The following TUT4 variants were observed in gnomAD, a reference collection of about 807,000 sequenced individuals.
TUT4 encodes the protein terminal uridylyl transferase 4.
TUT4 carries 36 observed loss-of-function variants against 192.2 expected under a neutral mutation model. The observed-to-expected ratio is 0.19, with a 90% CI of 0.14 to 0.25. The LOEUF is 0.25. Among genes scored for constraint, TUT4 ranks in the 10% least tolerant of loss-of-function variants. The probability of loss-of-function intolerance (pLI) is 1.00; values close to 1 mark genes in which losing one functional copy is unlikely to be tolerated. For missense variants in TUT4, 1,493 were observed against 1,957.2 expected, an observed-to-expected ratio of 0.76 and a Z score of 4.47; for synonymous variants, 618 against 666.0, an observed-to-expected ratio of 0.93 and a Z score of 1.11.
chr1:52,425,936 G>T (rs1297163248), intron 28 of TUT4, among the ~76,000 whole-genome samples: 1 of 152,154 alleles, frequency 6.6e-6, no homozygotes, highest in African/African-American at 2.4e-5. Context: ...AGCACATCAA[G>T]TTTGGGGAAC....
At chr1:52,493,186 C>T (rs966093381) in intron 7 of TUT4, among the ~76,000 whole-genome samples, 1 of 152,314 alleles carries the variant, frequency 6.6e-6, no homozygotes, top group African/African-American at 2.4e-5. Flanking sequence ...CGGGTTCAAG[C>T]AATTCTTCTG....
chr1:52,537,309 G>C (rs1235519697), intron 1 of TUT4, among the ~76,000 whole-genome samples: 2 of 150,982 alleles, frequency 1.3e-5, no homozygotes, highest in Non-Finnish European at 2.9e-5. Context: ...TCCATGCAAA[G>C]AGTAACAAAG....
intron 4 of TUT4, among the ~76,000 whole-genome samples, chr1:52,503,254 G>T (rs887203849): frequency 1.3e-5 from 2 of 151,754 alleles, no homozygotes; most frequent in Non-Finnish European, 2.9e-5. Flanking sequence ...TGCTAAGATG[G>T]GAAAAAAATA....
chr1:52,515,655 A>G, intron 3 of TUT4: 2 of 602,628 alleles, frequency 3.3e-6, no homozygotes, highest in South Asian at 2.2e-5. Flanking sequence ...GATAGACCAT[A>G]GTTTGCCAAC....
chr1:52,432,643 AG>A, intron 27 of TUT4: 1 of 152,396 alleles, frequency 6.6e-6, no homozygotes, highest in East Asian at 1.9e-4. Flanking sequence ...GATGAGAGAC[AG>A]GAACAGTGGC....
At chr1:52,531,501 TA>T (rs768454899) in intron 1 of TUT4, among the ~76,000 whole-genome samples, 4 of 152,200 alleles carry the variant, frequency 2.6e-5, no homozygotes, top group Non-Finnish European at 4.4e-5. Flanking sequence ...GTCTATGAGG[TA>T]AGAAATCATT....
intron 15 of TUT4, 67 bp from the exon 16 acceptor site, chr1:52,465,240 C>T: frequency 1.9e-6 from 2 of 1,066,626 alleles, no homozygotes; most frequent in Non-Finnish European, 2.8e-6. Context: ...CTGCTATCTG[C>T]TGATGACCTA....
chr1:52,466,682 A>ATATATTTTTTTTTT (rs372853314), intron 15 of TUT4, among the ~76,000 whole-genome samples: 73 of 123,798 alleles, frequency 5.9e-4, no homozygotes, highest in African/African-American at 2.2e-3. Flanking sequence ...ATATATATAT[A>ATATATTTTTTTTTT]TTTTTGAGAC....
chr1:52,423,988 G>C lies in TUT4; in HGVS notation c.4885C>G (p.Arg1629Gly), dbSNP rs762197385. The C allele has an allele frequency of 1.2e-6, 2 of 1,611,864 alleles. No individual in the cohort carries two copies. Among genetic ancestry groups the C allele is most frequent in the African/African-American group, 1.3e-5 (1 of 74,882 alleles). The change falls in exon 30 of 30, where the codon CGT becomes GGT. Residue 1629 changes from arginine to glycine, a missense_variant. Physicochemically the swap from Arg to Gly is moderately radical, Grantham distance 125. Around this residue, in one of 7 missense-constraint regions of TUT4, gnomAD observed 351 missense variants for 397.8 expected, o/e 0.88. Transcript: ENST00000257177. The stretch of plus-strand genomic sequence containing the variant: ...TGGGGACAACGCTCTCTACACCGAC[G>C]GGTGGCACATCTGTCTGTTGGATAC... ...PFYTQDRCAT[R>G]RCRERCPHPP... is the part of the protein sequence containing the mutation.
At chr1:52,496,592 C>A (rs985633431) in intron 5 of TUT4, among the ~76,000 whole-genome samples, 4 of 151,972 alleles carry the variant, frequency 2.6e-5, no homozygotes, top group Non-Finnish European at 4.4e-5. Context: ...TCCCTTGTAC[C>A]AAACAATAAG....
chr1:52,474,777 C>T (rs1365843826), intron 13 of TUT4, 55 bp downstream of exon 13: 3 of 1,405,778 alleles, frequency 2.1e-6, no homozygotes, highest in Non-Finnish European at 2.9e-6. Context: ...AAAAAATATA[C>T]ATAGTCATAC....
At chr1:52,545,760 T>C (rs944096464) in intron 1 of TUT4, among the ~76,000 whole-genome samples, 3 of 152,042 alleles carry the variant, frequency 2.0e-5, no homozygotes, top group East Asian at 1.9e-4. Flanking sequence ...ACAGCCACTA[T>C]GGAAAACAAT....
At chr1:52,518,580 C>T (rs1317318093) in intron 2 of TUT4, among the ~76,000 whole-genome samples, 1 of 152,102 alleles carries the variant, frequency 6.6e-6, no homozygotes, top group Non-Finnish European at 1.5e-5. Context: ...AGGTTAGGGC[C>T]TCAACATATG....
At chr1:52,509,824 G>T in intron 3 of TUT4, 112 bp from the exon 4 acceptor site, 1 of 732,358 alleles carries the variant, frequency 1.4e-6, no homozygotes, top group Non-Finnish European at 2.4e-6. Context: ...AGCACTGAAG[G>T]TTTTTTCTTT....
intron 10 of TUT4, 43 bp from the exon 11 acceptor site, chr1:52,481,678 T>TAAA (rs369545413): frequency 1.5e-5 from 19 of 1,305,060 alleles, no homozygotes; most frequent in South Asian, 2.9e-5. Flanking sequence ...AAAAATTATT[T>TAAA]AAAAAAAAAA....
At chr1:52,484,332 G>T (rs907693116) in intron 9 of TUT4, among the ~76,000 whole-genome samples, 3 of 152,286 alleles carry the variant, frequency 2.0e-5, no homozygotes, top group African/African-American at 4.8e-5. Flanking sequence ...GATGTTATAA[G>T]TAATCTAGTG....
At chr1:52,492,888 G>A (rs1417773573) in intron 7 of TUT4, among the ~76,000 whole-genome samples, 1 of 152,164 alleles carries the variant, frequency 6.6e-6, no homozygotes, top group African/African-American at 2.4e-5. Context: ...TAATATAGAT[G>A]CTTTAGGTGG....
chr1:52,504,500 T>C (rs1200450156), intron 4 of TUT4, among the ~76,000 whole-genome samples: 3 of 151,988 alleles, frequency 2.0e-5, no homozygotes, highest in Non-Finnish European at 2.9e-5. Flanking sequence ...CGTGGTGGCA[T>C]GCACTTGTAA....
At chr1:52,539,513 G>A (rs1685910648) in intron 1 of TUT4, among the ~76,000 whole-genome samples, 1 of 152,150 alleles carries the variant, frequency 6.6e-6, no homozygotes, top group Non-Finnish European at 1.5e-5. Flanking sequence ...AGGTATGGGG[G>A]GGAAAGCAAT....
Sources: gnomAD v4.1 joint callset for allele counts (sites outside exome capture counted in the v4.1 genomes callset) on GRCh38, gnomAD v4.1.1 for gene constraint, gnomAD v4.1.1 regional missense constraint, MANE v1.5 for transcripts, NCBI Gene and HGNC (gene_info 2026-07-23, HGNC 2026-07-21) for gene names.